Variants in CSMD1 observed in about 807,000 individuals in gnomAD.
CSMD1 encodes the protein CUB and Sushi multiple domains 1.
Under a neutral mutation model 417.5 loss-of-function variants are expected in CSMD1, and 213 were observed. The ratio of observed to expected loss-of-function variants is 0.51; its 90% CI spans 0.46 to 0.57. The LOEUF is 0.57. CSMD1 is among the 20% of genes least tolerant of loss of function. The probability of loss-of-function intolerance (pLI) is 0.00; values close to 1 mark genes in which losing one functional copy is unlikely to be tolerated. For missense variants in CSMD1, 6,923 were observed against 4,529.7 expected (o/e 1.53, Z -15.17); for synonymous variants, 2,862 against 1,736.8 (o/e 1.65, Z -16.11).
At chr8:4,536,591 C>T (rs1451282154) in intron 2 of CSMD1, among the ~76,000 whole-genome samples, 2 of 152,118 alleles carry the variant, frequency 1.3e-5, no homozygotes, top group African/African-American at 4.8e-5. Flanking sequence ...GGATATCCTG[C>T]CGTTTAGTGG....
chr8:4,062,344 A>T (rs1799019256), intron 3 of CSMD1, among the ~76,000 whole-genome samples: 1 of 152,090 alleles, frequency 6.6e-6, no homozygotes, highest in South Asian at 2.1e-4. Context: ...GGAGAGTGGC[A>T]GAAGAATTTT....
chr8:3,870,049 T>A (rs1432852823), intron 5 of CSMD1, among the ~76,000 whole-genome samples: 3 of 152,182 alleles, frequency 2.0e-5, no homozygotes, highest in Non-Finnish European at 4.4e-5. Context: ...CTTCATTGCT[T>A]AACTGTAAGC....
At chr8:4,000,576 G>A (rs1815590020) in intron 4 of CSMD1, among the ~76,000 whole-genome samples, 1 of 152,136 alleles carries the variant, frequency 6.6e-6, no homozygotes, top group African/African-American at 2.4e-5. Flanking sequence ...ACTCTACGTT[G>A]TTTTTCTTTA....
intron 3 of CSMD1, among the ~76,000 whole-genome samples, chr8:4,202,803 A>G (rs1799736877): frequency 6.6e-6 from 1 of 152,244 alleles, no homozygotes. Flanking sequence ...TTCAAACGTC[A>G]GAAAATACCT....
At chr8:4,827,762 T>G (rs1799921660) in intron 1 of CSMD1, among the ~76,000 whole-genome samples, 1 of 152,208 alleles carries the variant, frequency 6.6e-6, no homozygotes, top group African/African-American at 2.4e-5. Flanking sequence ...CCCAAAGGAT[T>G]TCATTAAAGA....
At chr8:4,881,105 C>G (rs760042038) in intron 1 of CSMD1, among the ~76,000 whole-genome samples, 4 of 152,002 alleles carry the variant, frequency 2.6e-5, no homozygotes. Flanking sequence ...TGTTCTTCCC[C>G]TATTAATAGT....
intron 5 of CSMD1, among the ~76,000 whole-genome samples, chr8:3,795,505 A>T (rs1213652209): frequency 7.7e-4 from 1 of 1,292 alleles, no homozygotes; most frequent in African/African-American, 4.8e-3. Context: ...ATAGATATAG[A>T]TATATATCTA....
chr8:4,924,925 C>A (rs1421655599), intron 1 of CSMD1, among the ~76,000 whole-genome samples: 1 of 152,086 alleles, frequency 6.6e-6, no homozygotes, highest in African/African-American at 2.4e-5. Flanking sequence ...CTCTTCAAAT[C>A]CCGTCTCTTT....
At chr8:3,824,516 A>C (rs548585298) in intron 5 of CSMD1, among the ~76,000 whole-genome samples, 13 of 152,308 alleles carry the variant, frequency 8.5e-5, no homozygotes, top group African/African-American at 2.9e-4. Context: ...GCCACGACAC[A>C]CTTAAAGCGT....
intron 2 of CSMD1, among the ~76,000 whole-genome samples, chr8:4,431,878 A>G (rs1367784753): frequency 1.3e-5 from 2 of 152,218 alleles, no homozygotes; most frequent in Non-Finnish European, 2.9e-5. Context: ...AATTTATTAT[A>G]TATACTATTA....
chr8:3,239,786 C>A (rs1209276793), intron 26 of CSMD1, among the ~76,000 whole-genome samples: 1 of 151,998 alleles, frequency 6.6e-6, no homozygotes, highest in Non-Finnish European at 1.5e-5. Context: ...GGGCGAGGAA[C>A]AGGAAAGAAG....
At chr8:4,036,740 T>C (rs1012637010) in intron 3 of CSMD1, among the ~76,000 whole-genome samples, 2 of 152,254 alleles carry the variant, frequency 1.3e-5, no homozygotes, top group East Asian at 3.8e-4. Context: ...TGCAGGCTTT[T>C]ATTTTACACC....
chr8:4,023,072 A>C (rs1207491731), intron 4 of CSMD1, among the ~76,000 whole-genome samples: 1 of 152,188 alleles, frequency 6.6e-6, no homozygotes, highest in East Asian at 1.9e-4. Flanking sequence ...TTTGCAGTGA[A>C]ATATGGCCTC....
intron 5 of CSMD1, among the ~76,000 whole-genome samples, chr8:3,947,795 A>T (rs1443925921): frequency 1.3e-5 from 2 of 152,202 alleles, no homozygotes; most frequent in African/African-American, 4.8e-5. Context: ...TCCGCTGTTC[A>T]AGGGGAAGTG....
chr8:3,319,221 AACT>A (rs1478708277), intron 23 of CSMD1, among the ~76,000 whole-genome samples: 1 of 152,226 alleles, frequency 6.6e-6, no homozygotes, highest in African/African-American at 2.4e-5. Flanking sequence ...TAGCTCCAAA[AACT>A]ACTAATTGCT....
chr8:3,712,114 C>T (rs1211126171), intron 6 of CSMD1, among the ~76,000 whole-genome samples: 2 of 152,142 alleles, frequency 1.3e-5, no homozygotes, highest in Admixed American at 6.5e-5. Context: ...CAGTGTTATA[C>T]TGATGTAGAC....
chr8:3,835,779 T>C (rs1367553665), intron 5 of CSMD1, among the ~76,000 whole-genome samples: 4 of 151,738 alleles, frequency 2.6e-5, no homozygotes, highest in Non-Finnish European at 4.4e-5. Flanking sequence ...TTTGGCTAAC[T>C]CTGGGTGATT....
At chr8:3,521,138 C>T (rs1425227028) in intron 10 of CSMD1, among the ~76,000 whole-genome samples, 21 of 149,878 alleles carry the variant, frequency 1.4e-4, no homozygotes, top group African/African-American at 4.9e-5. Context: ...CCAGTCCATC[C>T]TACACACTGA....
At chr8:4,586,879 T>A (rs941920995) in intron 2 of CSMD1, among the ~76,000 whole-genome samples, 11 of 152,210 alleles carry the variant, frequency 7.2e-5, no homozygotes, top group African/African-American at 2.4e-4. Context: ...GTATCTGGCA[T>A]AGTATTTGAT....
Sources: allele counts gnomAD v4.1 joint callset (sites outside exome capture counted in the v4.1 genomes callset), GRCh38; gene constraint gnomAD v4.1.1; transcripts MANE v1.5; gene names NCBI Gene and HGNC (gene_info 2026-07-23, HGNC 2026-07-21).